EPS8: variants seen among roughly 807,000 people sequenced by gnomAD.
EPS8 encodes EGFR pathway substrate 8, signaling adaptor.
EPS8 carries 42 observed loss-of-function variants against 103.8 expected under a neutral mutation model. That is an observed-to-expected ratio of 0.40 (90% CI 0.32 to 0.52). EPS8 has a LOEUF of 0.52. Among genes scored for constraint, EPS8 ranks in the 20% least tolerant of loss-of-function variants. EPS8 has a pLI of 0.40. For synonymous variants in EPS8, 344 were observed against 344.6 expected (o/e 1.00, Z 0.02); for missense variants, 969 against 1,005.1 (o/e 0.96, Z 0.49).
rs1489136638 is a variant in EPS8, at chr12:15,761,866, C to A, written c.-22+27295G>T. On this transcript the variant is annotated intron_variant, in intron 1 of 20. Transcript: ENST00000281172. This position sits in a 1 kb window ranked among gnomAD's most constrained non-coding sequence, Gnocchi z 4.5. ...AACATTGGGGAAACTCTCCAGGACA[C>A]TGAACTAGGTGAAAATTTCTTGAGT... Among the ~76,000 whole-genome samples the A allele has an allele frequency of 6.6e-6, 1 of 152,034 alleles. No individual in the cohort carries two copies.
chr12:15,624,436 T>C (rs1162498766), intron 18 of EPS8, 29 bp from the exon 19 acceptor site: 3 of 1,507,146 alleles, frequency 2.0e-6, no homozygotes, highest in South Asian at 2.6e-5. Flanking sequence ...TAGGTTCTTT[T>C]TGAAAATCCC....
At chr12:15,679,946 C>T (rs1377763337) in intron 3 of EPS8, among the ~76,000 whole-genome samples, 2 of 152,164 alleles carry the variant, frequency 1.3e-5, no homozygotes, top group East Asian at 1.9e-4. Flanking sequence ...ATTCTCCAGA[C>T]TTTAAGTCCC....
At chr12:15,705,477 A>G (rs975456832) in intron 1 of EPS8, among the ~76,000 whole-genome samples, 1 of 152,140 alleles carries the variant, frequency 6.6e-6, no homozygotes, top group Non-Finnish European at 1.5e-5. Flanking sequence ...TAGTACTCCA[A>G]GGGGTTTAAA....
intron 17 of EPS8, among the ~76,000 whole-genome samples, chr12:15,635,894 C>A (rs923689250): frequency 6.6e-6 from 1 of 152,100 alleles, no homozygotes; most frequent in Non-Finnish European, 1.5e-5. Context: ...CACGTGACCA[C>A]AGAGACTGGA....
At chr12:15,726,502 T>C (rs1026667147) in intron 1 of EPS8, among the ~76,000 whole-genome samples, 1 of 152,064 alleles carries the variant, frequency 6.6e-6, no homozygotes, top group African/African-American at 2.4e-5. Context: ...CAGGTAGTTA[T>C]AAAAAATGGT....
rs1381107259 is a variant in EPS8 at position 15,780,773 on chromosome 12, G to A, written c.-22+8388C>T. 1.3e-5 allele frequency: 2 copies of A among 151,994 alleles called. No homozygotes were observed. Among genetic ancestry groups the A allele is most frequent in the East Asian group, 1.9e-4 (1 of 5,182 alleles). The allele number at this position is 151,994 out of a possible 1,614,324, so 9.4% of individuals were successfully genotyped here. On this transcript the variant is annotated intron_variant, in intron 1 of 20. Transcript: ENST00000281172. This position sits in a 1 kb window ranked among gnomAD's most constrained non-coding sequence, Gnocchi z 4.1. The stretch of plus-strand genomic sequence containing the variant: ...CTGTCTTACTCATCTTTGTATTCCT[G>A]GTGTCTGGCACAGAACAGATACTCA...
chr12:15,645,784 C>T (rs1945309910), intron 15 of EPS8, among the ~76,000 whole-genome samples: 1 of 152,126 alleles, frequency 6.6e-6, no homozygotes, highest in African/African-American at 2.4e-5. Flanking sequence ...TAAATCTACA[C>T]TTACTGAGTG....
Position 15,776,951 on chromosome 12 carries a change from T to C in EPS8, c.-22+12210A>G, listed in dbSNP as rs893710937. ...CCATAAACATAACACAAAATGTATT[T>C]GCTAGCCATTGGATTAAATTATCCC... On this transcript the variant is annotated intron_variant, in intron 1 of 20. Transcript: ENST00000281172. This position sits in a 1 kb window ranked among gnomAD's most constrained non-coding sequence, Gnocchi z 4.2. Among the ~76,000 whole-genome samples, 4 of 152,236 alleles carry C rather than the reference T, an allele frequency of 2.6e-5. No individual in the cohort carries two copies. The highest frequency in any genetic ancestry group is 5.9e-5 in the Non-Finnish European group (4 of 68,044).
Position 15,735,417 on chromosome 12 carries a change from G to C in EPS8, c.-21-52445C>G, listed in dbSNP as rs1946758452. Among the ~76,000 whole-genome samples, 1 of 152,076 alleles carries C rather than the reference G, an allele frequency of 6.6e-6. No homozygotes were observed. The highest frequency in any genetic ancestry group is 2.4e-5 in the African/African-American group (1 of 41,406). The stretch of plus-strand genomic sequence containing the variant: ...AATGAAGAGGAAAGAGATCATGAAG[G>C]ATCAAATATTGTCTTATGGCGCATC... On this transcript the variant is annotated intron_variant, in intron 1 of 20. Coordinates refer to ENST00000281172, the MANE Select transcript of EPS8 (RefSeq NM_004447.6). This position sits in a 1 kb window ranked among gnomAD's most constrained non-coding sequence, Gnocchi z 4.4.
At chr12:15,715,351 G>A (rs549249356) in intron 1 of EPS8, among the ~76,000 whole-genome samples, 1 of 151,346 alleles carries the variant, frequency 6.6e-6, no homozygotes, top group African/African-American at 2.4e-5. Flanking sequence ...CGTCCACAGG[G>A]GCTGATCCCA....
At chr12:15,644,743 T>C (rs1259527904) in intron 15 of EPS8, among the ~76,000 whole-genome samples, 1 of 152,086 alleles carries the variant, frequency 6.6e-6, no homozygotes, top group Non-Finnish European at 1.5e-5. Context: ...GTGAAGTTTT[T>C]CTTTTAACAG....
chr12:15,649,552 T>C (rs1945377209), intron 14 of EPS8, among the ~76,000 whole-genome samples: 1 of 152,120 alleles, frequency 6.6e-6, no homozygotes, highest in African/African-American at 2.4e-5. Flanking sequence ...AGTGAGGTCA[T>C]CTTAATTATT....
At position 15,641,864 on chromosome 12, in the gene EPS8, C is replaced by T. The variant is rs777611841; in HGVS notation, c.1569-34G>A. Reference sequence around the variant, plus strand: ...AGAAAGAAAAAAGATTATTATTCTGCTAGCTCTTCCTAAAGGATAAAAATG... The same window carrying T: ...AGAAAGAAAAAAGATTATTATTCTGTTAGCTCTTCCTAAAGGATAAAAATG... On this transcript the variant is annotated intron_variant, in intron 15 of 20. Transcript: ENST00000281172. 6 of 1,178,214 alleles carry T rather than the reference C, an allele frequency of 5.1e-6. No individual in the cohort carries two copies. In the East Asian group the frequency reaches 1.5e-4, roughly 29 times the overall value. The allele number at this position is 1,178,214 out of a possible 1,614,324, so 73.0% of individuals were successfully genotyped here. A position where few individuals can be genotyped will look rare whatever the true frequency, so the allele number is the denominator to read the frequency against.
At chr12:15,625,365 GC>G (rs1274859772) in intron 18 of EPS8, among the ~76,000 whole-genome samples, 2 of 152,054 alleles carry the variant, frequency 1.3e-5, no homozygotes, top group South Asian at 4.1e-4. Context: ...TCATCAGCCT[GC>G]AAACATGCTA....
At position 15,767,221 on chromosome 12, in the gene EPS8, TAAG is replaced by T. The variant is rs1947107646; in HGVS notation, c.-22+21937_-22+21939del. Among the ~76,000 whole-genome samples, 2 of 152,178 alleles carry T rather than the reference TAAG, an allele frequency of 1.3e-5. No homozygotes were observed. Among genetic ancestry groups the T allele is most frequent in the African/African-American group, 4.8e-5 (2 of 41,430 alleles). ...ATTGTTCAAAATATATCAATGTTAATAAGAAGTTTACAAATTGGAAGGTAAATT... is the reference window on the plus strand; with the variant it reads ...ATTGTTCAAAATATATCAATGTTAATAAGTTTACAAATTGGAAGGTAAATT... On this transcript the variant is annotated intron_variant, in intron 1 of 20. Transcript: ENST00000281172. This position sits in a 1 kb window ranked among gnomAD's most constrained non-coding sequence, Gnocchi z 5.5.
chr12:15,765,405 T>C (rs1231492974), intron 1 of EPS8, among the ~76,000 whole-genome samples: 2 of 152,110 alleles, frequency 1.3e-5, no homozygotes, highest in African/African-American at 4.8e-5. Context: ...CTCCAACAGA[T>C]CTTACAGCAA....
In EPS8 at chr12:15,621,265, AG is replaced by A; in HGVS notation, c.*51del. ...TTCCCTTCAAGGCTTCTTAAAACAA[AG>A]CATGTTGGAATAATGCCAAAAACAA... is the stretch of plus-strand genomic sequence containing the variant. On this transcript the variant is annotated 3_prime_UTR_variant, in exon 21 of 21. Transcript: ENST00000281172. 1.1e-6 allele frequency: 1 copy of A among 912,922 alleles called. No homozygotes were observed. Among genetic ancestry groups the A allele is most frequent in the Non-Finnish European group, 1.7e-6 (1 of 599,018 alleles). The allele number at this position is 912,922 out of a possible 1,614,324, so 56.6% of individuals were successfully genotyped here. A position where few individuals can be genotyped will look rare whatever the true frequency, so the allele number is the denominator to read the frequency against.
Position 15,640,858 on chromosome 12 carries a change from A to G in EPS8, c.1678-12T>C. ...CGATCATCAAGTATCTGTCATGTAC[A>G]AGAAAATAAAGGTATAATTTCCATA... On this transcript the variant is annotated splice_polypyrimidine_tract_variant and intron_variant, in intron 16 of 20. Transcript: ENST00000281172. 6.2e-7 allele frequency: 1 copy of G among 1,610,994 alleles called. No homozygotes were observed. The highest frequency in any genetic ancestry group is 2.2e-5 in the East Asian group (1 of 44,858).
rs1169785698 is a variant in EPS8, at chr12:15,785,553, T to C, written c.-22+3608A>G. Among the ~76,000 whole-genome samples, 1 of 152,096 alleles carries C rather than the reference T, an allele frequency of 6.6e-6. No individual in the cohort carries two copies. The highest frequency in any genetic ancestry group is 1.5e-5 in the Non-Finnish European group (1 of 67,944). On this transcript the variant is annotated intron_variant, in intron 1 of 20. Transcript: ENST00000281172. The surrounding 1 kb of genome is among the most constrained non-coding windows in gnomAD (Gnocchi z 4.9). ...TTAAACATGGATACAAACTGTTACA[T>C]AAAAATATGTACAGATATGTTCATA...
Sources: gnomAD v4.1 joint callset for allele counts (sites outside exome capture counted in the v4.1 genomes callset) on GRCh38, gnomAD v4.1.1 for gene constraint, Gnocchi (gnomAD v3.1) non-coding constraint, MANE v1.5 for transcripts, NCBI Gene and HGNC (gene_info 2026-07-23, HGNC 2026-07-21) for gene names.